The following SFMBT1 variants were observed in gnomAD, a reference collection of about 807,000 sequenced individuals.
SFMBT1 encodes the protein Scm like with four mbt domains 1.
A neutral mutation model predicts 108.7 loss-of-function variants in SFMBT1; 32 were observed. The ratio of observed to expected loss-of-function variants is 0.29; its 90% confidence interval spans 0.22 to 0.40. The LOEUF (loss-of-function observed/expected upper bound fraction) is 0.40, where lower values mean the gene tolerates loss of function less well. SFMBT1 is among the 10% of genes least tolerant of loss of function. The pLI is 1.00. For synonymous variants in SFMBT1, 348 were observed against 369.5 expected (o/e 0.94, Z 0.67); for missense variants, 816 against 1,059.6 (o/e 0.77, Z 3.19).
intron 2 of SFMBT1, among the ~76,000 whole-genome samples, chr3:52,963,657 T>TG (rs1704038782): frequency 6.6e-6 from 1 of 152,044 alleles, no homozygotes; most frequent in Admixed American, 6.6e-5. Flanking sequence ...CTCCCTATGT[T>TG]GCCCAGACTG....
Position 53,000,113 on chromosome 3 carries a change from C to T in SFMBT1, c.-130-30855G>A, listed in dbSNP as rs1032182770. Among the ~76,000 whole-genome samples, 10 of 150,070 alleles carry T rather than the reference C, an allele frequency of 6.7e-5. 1 individual carries two copies. The highest frequency in any genetic ancestry group is 1.5e-4 in the Non-Finnish European group (10 of 66,960). ...TCCTGACCTCGTGATCCGCCCACCC[C>T]GGCCTCCCAAAGTGCTGGGATTACA... On this transcript the variant is annotated intron_variant, in intron 1 of 20. Transcript: ENST00000394752.
At position 52,907,690 on chromosome 3, in the gene SFMBT1, T is replaced by C; in HGVS notation, c.1950A>G (p.Pro650=). The part of the protein sequence containing the change: ...GKKKNKRIGR[P]PGGHSNLACA... Reference sequence around the variant, plus strand: ...AAGCTAAGTTACTATGCCCACCAGGTGGCCTCCCAATTCTTTTATTTTTCT... The same window carrying C: ...AAGCTAAGTTACTATGCCCACCAGGCGGCCTCCCAATTCTTTTATTTTTCT... The change falls in exon 18 of 21, where the codon CCA becomes CCG. Residue 650 remains proline, a synonymous_variant. Transcript: ENST00000394752. The C allele has an allele frequency of 1.9e-6, 3 of 1,613,460 alleles. No individual in the cohort carries two copies. Among genetic ancestry groups the C allele is most frequent in the Non-Finnish European group, 2.5e-6 (3 of 1,179,892 alleles).
rs1449059536 is a variant in SFMBT1 at position 52,969,102 on chromosome 3, T to C, written c.27A>G (p.Ala9=). The C allele has an allele frequency of 3.7e-6, 6 of 1,614,030 alleles. No individual in the cohort carries two copies. Among genetic ancestry groups the C allele is most frequent in the Middle Eastern group, 3.3e-4 (2 of 6,062 alleles). Residue 9 remains alanine (A), a splice_region_variant and synonymous_variant, in exon 2 of 21, where the codon GCA becomes GCG. Transcript: ENST00000394752. ...AAATTCTGAGAATAAAACCAATACC[T>C]GCATCAAGCTGCTGCTCCCCGTTCA... MNGEQQLD[A]DAGSGMEEVE... is the part of the protein sequence containing the mutation.
In SFMBT1 at chr3:53,001,925, T is replaced by TCTCACACACACACACACACACA. The variant is rs1448849638; in HGVS notation, c.-130-32668_-130-32667insTGTGTGTGTGTGTGTGTGTGAG. ...GGGCAACAGAGCAAGACCCAGTCTC[T>TCTCACACACACACACACACACA]CACACACACACACACACACACACAC... On this transcript the variant is annotated intron_variant, in intron 1 of 20. Transcript: ENST00000394752. 1.1e-4 allele frequency among the ~76,000 whole-genome samples: 14 copies of TCTCACACACACACACACACACA among 129,236 alleles called. 1 individual carries two copies. The highest frequency in any genetic ancestry group is 3.6e-4 in the African/African-American group (13 of 35,830). The allele number at this position is 129,236 out of a possible 152,430, so 84.8% of individuals were successfully genotyped here.
chr3:53,015,854 A>G (rs908416453), intron 1 of SFMBT1, among the ~76,000 whole-genome samples: 20 of 152,330 alleles, frequency 1.3e-4, no homozygotes, highest in Admixed American at 6.5e-4. Context: ...AAATTAGATT[A>G]TCATGATGGT....
intron 1 of SFMBT1, among the ~76,000 whole-genome samples, chr3:52,976,626 A>C (rs72961755): frequency 0.024 from 3,584 of 152,278 alleles, 143 homozygotes; most frequent in African/African-American, 0.082. Context: ...CTAAATAAAC[A>C]TTTAAAACTT....
At chr3:53,015,596 T>C (rs1699098830) in intron 1 of SFMBT1, among the ~76,000 whole-genome samples, 1 of 152,206 alleles carries the variant, frequency 6.6e-6, no homozygotes, top group South Asian at 2.1e-4. Context: ...GACTATTATC[T>C]GGTAATAAAA....
chr3:52,988,973 C>T (rs1334256177), intron 1 of SFMBT1, among the ~76,000 whole-genome samples: 2 of 152,134 alleles, frequency 1.3e-5, no homozygotes, highest in African/African-American at 4.8e-5. Context: ...ACCCCCACAC[C>T]TTTCAATCTA....
At chr3:52,965,919 T>G (rs1704120122) in intron 2 of SFMBT1, among the ~76,000 whole-genome samples, 1 of 130,838 alleles carries the variant, frequency 7.6e-6, no homozygotes, top group African/African-American at 3.0e-5. Flanking sequence ...GGCAGGAGAA[T>G]GGCGTGAACC....
At chr3:53,005,631 C>G (rs1362403095) in intron 1 of SFMBT1, among the ~76,000 whole-genome samples, 4 of 152,078 alleles carry the variant, frequency 2.6e-5, no homozygotes, top group African/African-American at 7.2e-5. Flanking sequence ...TTTTGAAAAA[C>G]AGAGGAGAGG....
In SFMBT1 at chr3:52,955,012, A is replaced by G. The variant is rs1420730058; in HGVS notation, c.29-601T>C. 1.1e-4 allele frequency among the ~76,000 whole-genome samples: 17 copies of G among 152,310 alleles called. No individual in the cohort carries two copies. In the East Asian group the frequency reaches 2.9e-3, roughly 26 times the overall value. ...CACGACTAAATCAACTAGAGAACCA[A>G]GAGCAAACAAACCCCAAAGCTAGCA... On this transcript the variant is annotated intron_variant, in intron 2 of 20. Coordinates refer to ENST00000394752, the MANE Select transcript of SFMBT1 (RefSeq NM_016329.4).
At chr3:52,992,954 G>T (rs1352408344) in intron 1 of SFMBT1, among the ~76,000 whole-genome samples, 1 of 152,120 alleles carries the variant, frequency 6.6e-6, no homozygotes, top group Admixed American at 6.5e-5. Context: ...AACTGATCAG[G>T]AGTAGTTCTG....
intron 1 of SFMBT1, among the ~76,000 whole-genome samples, chr3:53,022,794 G>A (rs1699361636): frequency 6.6e-6 from 1 of 152,164 alleles, no homozygotes; most frequent in African/African-American, 2.4e-5. Flanking sequence ...TAATGTGTAT[G>A]GAGTTTAAGT....
At chr3:52,970,064 G>T (rs1028377213) in intron 1 of SFMBT1, among the ~76,000 whole-genome samples, 26 of 151,014 alleles carry the variant, frequency 1.7e-4, no homozygotes, top group African/African-American at 5.1e-4. Flanking sequence ...TCGCACCACT[G>T]CACTCCAGCC....
intron 1 of SFMBT1, among the ~76,000 whole-genome samples, chr3:52,980,655 TAAA>T (rs34854186): frequency 2.4e-5 from 3 of 125,108 alleles, no homozygotes; most frequent in Non-Finnish European, 3.5e-5. Flanking sequence ...GACCATTGTT[TAAA>T]AAAAAAAAAA....
At chr3:53,030,585 T>A (rs9854428) in intron 1 of SFMBT1, among the ~76,000 whole-genome samples, 3,270 of 151,124 alleles carry the variant, frequency 0.022, 128 homozygotes, top group African/African-American at 0.075. Flanking sequence ...ACAATTTGAA[T>A]TCAGTAAAAC....
intron 1 of SFMBT1, among the ~76,000 whole-genome samples, chr3:53,028,403 A>C (rs1315871715): frequency 1.3e-5 from 2 of 152,154 alleles, no homozygotes; most frequent in Non-Finnish European, 2.9e-5. Context: ...TCTTGAAGTC[A>C]CCTTAGTTCC....
chr3:52,919,111 C>T lies in SFMBT1; in HGVS notation c.1373-585G>A, dbSNP rs183937595. Among the ~76,000 whole-genome samples the T allele has an allele frequency of 6.0e-3, 913 of 152,232 alleles. 79 individuals are homozygous for T. The South Asian group carries it at 0.17, about 28-fold the overall frequency. ...ACTCACCTCCTGCTGTGTGGTCCCA[C>T]GGGTTGGGGACCCCTGCCTCATATC... On this transcript the variant is annotated intron_variant, in intron 12 of 20. Transcript: ENST00000394752.
chr3:52,957,208 T>C (rs887510088), intron 2 of SFMBT1, among the ~76,000 whole-genome samples: 1 of 152,232 alleles, frequency 6.6e-6, no homozygotes, highest in South Asian at 2.1e-4. Flanking sequence ...AAATCATGAA[T>C]GAACTTCCAT....
Sources: allele counts gnomAD v4.1 joint callset (sites outside exome capture counted in the v4.1 genomes callset), GRCh38; gene constraint gnomAD v4.1.1; transcripts MANE v1.5; gene names NCBI Gene and HGNC (gene_info 2026-07-23, HGNC 2026-07-21).